The following HPS5 variants were observed in gnomAD, a reference collection of about 807,000 sequenced individuals.
The protein encoded by HPS5 is HPS5 biogenesis of lysosomal organelles complex 2 subunit 2, also known as BLOC-2 complex member HPS5.
Under a neutral mutation model 128.0 loss-of-function variants are expected in HPS5, and 83 were observed. The ratio of observed to expected loss-of-function variants is 0.65; its 90% CI spans 0.54 to 0.78. The LOEUF (loss-of-function observed/expected upper bound fraction) is 0.78, where lower values mean the gene tolerates loss of function less well. Among genes scored for constraint, HPS5 ranks in the 30% least tolerant of loss-of-function variants. The pLI is 0.00. For synonymous variants in HPS5, 475 were observed against 470.2 expected, an observed-to-expected ratio of 1.01 and a Z score of -0.13; for missense variants, 1,281 against 1,326.2, an observed-to-expected ratio of 0.97 and a Z score of 0.53.
chr11:18,295,275 T>A, intron 13 of HPS5, 106 bp from the exon 14 acceptor site: 1 of 1,028,640 alleles, frequency 9.7e-7, no homozygotes, highest in Non-Finnish European at 1.5e-6. Context: ...GGGAGGCAAC[T>A]TGGACTTAGT....
In HPS5 at chr11:18,281,778, T is replaced by C. The variant is rs117442864; in HGVS notation, c.3329+172A>G. Reference sequence around the variant, plus strand: ...GTTAATCTGAACAGCATCTTGGTCATGGCTGTGAATGAAATATTACTTTAG... The same window carrying C: ...GTTAATCTGAACAGCATCTTGGTCACGGCTGTGAATGAAATATTACTTTAG... On this transcript the variant is annotated intron_variant, in intron 22 of 22. Coordinates refer to ENST00000349215, the MANE Select transcript of HPS5 (RefSeq NM_181507.2). 5.4e-3 allele frequency: 4,079 copies of C among 760,354 alleles called. 17 individuals are homozygous for C. The highest frequency in any genetic ancestry group is 8.6e-3 in the Middle Eastern group (26 of 3,022). 47.1% of individuals were successfully genotyped at this position (760,354 alleles called of 1,614,324 possible).
At chr11:18,293,004 C>T (rs1860613572) in intron 14 of HPS5, 28 bp from the exon 15 acceptor site, 1 of 1,572,376 alleles carries the variant, frequency 6.4e-7, no homozygotes, top group African/African-American at 1.4e-5. Flanking sequence ...ATAACAATAA[C>T]ATTCACAAGA....
At chr11:18,296,232 T>A (rs1430234825) in intron 12 of HPS5, 110 bp from the exon 13 acceptor site, 5 of 1,129,568 alleles carry the variant, frequency 4.4e-6, no homozygotes, top group Non-Finnish European at 6.4e-6. Context: ...AAGGATTCAA[T>A]ACCAAAATCA....
intron 16 of HPS5, among the ~76,000 whole-genome samples, chr11:18,288,396 C>T (rs183896321): frequency 1.4e-3 from 213 of 152,256 alleles, no homozygotes; most frequent in African/African-American, 4.7e-3. Context: ...TCAGTTTTTT[C>T]TAGAACTAGT....
At chr11:18,298,691 A>T in intron 10 of HPS5, 101 bp downstream of exon 10, 1 of 1,143,068 alleles carries the variant, frequency 8.7e-7, no homozygotes, top group Non-Finnish European at 1.3e-6. Flanking sequence ...TAGGTCACAC[A>T]GACAGGGTTA....
rs188182082 is a variant in HPS5, at chr11:18,298,369, C to T, written c.1164+423G>A. 1.1e-4 allele frequency among the ~76,000 whole-genome samples: 16 copies of T among 151,842 alleles called. 1 individual carries two copies. Among genetic ancestry groups the T allele is most frequent in the African/African-American group, 3.9e-4 (16 of 41,422 alleles). On this transcript the variant is annotated intron_variant, in intron 10 of 22. Transcript: ENST00000349215. ...AATCAGCTAGGTGTGGTGGCGAGCGCCTGTAGTCGCAGCTACTCAGGAGGC... is the reference window on the plus strand; with the variant it reads ...AATCAGCTAGGTGTGGTGGCGAGCGTCTGTAGTCGCAGCTACTCAGGAGGC...
chr11:18,311,932 C>T lies in HPS5; in HGVS notation c.201G>A (p.Arg67=). 6.2e-7 allele frequency: 1 copy of T among 1,613,082 alleles called. No individual in the cohort carries two copies. Among genetic ancestry groups the T allele is most frequent in the South Asian group, 1.1e-5 (1 of 91,060 alleles). The change falls in exon 3 of 23, where the codon AGG becomes AGA. Residue 67 remains arginine (R), a synonymous_variant. Coordinates refer to ENST00000349215, the MANE Select transcript of HPS5 (RefSeq NM_181507.2). Reference sequence around the variant, plus strand: ...ATCTTACCCTGTGTGAAAGAAAAAGCCTGTGCTTCCAGCCTTCTTTCTGAA... The same window carrying T: ...ATCTTACCCTGTGTGAAAGAAAAAGTCTGTGCTTCCAGCCTTCTTTCTGAA... ...HLIQKEGWKH[R]LFLSHREGAI...
At chr11:18,297,051 C>A in intron 11 of HPS5, 67 bp from the exon 12 acceptor site, 1 of 1,005,516 alleles carries the variant, frequency 9.9e-7, no homozygotes, top group Non-Finnish European at 1.5e-6. Context: ...AATATAACTT[C>A]TGCAGAGAAA....
At chr11:18,286,549 A>C in intron 19 of HPS5, 42 bp downstream of exon 19, 15 of 1,603,854 alleles carry the variant, frequency 9.4e-6, no homozygotes, top group Non-Finnish European at 1.1e-5. Flanking sequence ...CTCAAAAAAA[A>C]AAAGTAAAGA....
intron 2 of HPS5, among the ~76,000 whole-genome samples, chr11:18,317,257 A>ATT (rs67379743): frequency 9.8e-5 from 13 of 132,012 alleles, no homozygotes; most frequent in African/African-American, 2.5e-4. Flanking sequence ...GGCCTGATAA[A>ATT]TTTTTTTTTT....
Position 18,292,984 on chromosome 11 carries a change from A to G in HPS5, c.1785-8T>C, listed in dbSNP as rs1395328993. On this transcript the variant is annotated splice_region_variant and splice_polypyrimidine_tract_variant and intron_variant, in intron 14 of 22. Transcript: ENST00000349215. ...GTTACCTCTTTTTCCTCCCTAAAAA[A>G]GTGTGCAAAATAACAATAACATTCA... 2 of 1,611,072 alleles carry G rather than the reference A, an allele frequency of 1.2e-6. No homozygotes were observed. The highest frequency in any genetic ancestry group is 1.7e-5 in the Admixed American group (1 of 59,996).
rs1862661845 is a variant in HPS5 at position 18,308,964 on chromosome 11, A to T, written c.593T>A (p.Phe198Tyr). ...AATATACCTCTCAGTGTCACACAAG[A>T]AGGATCGAGTAAGTGAAGATATAAG... ...RLLISSLTRS[F>Y]LCDTEREKFW... is the part of the protein sequence containing the mutation. The change falls in exon 6 of 23, where the codon TTC becomes TAC. Residue 198 changes from phenylalanine to tyrosine, a missense_variant. Phe to Tyr is a conservative substitution (Grantham distance 22, BLOSUM62 3). Coordinates refer to ENST00000349215, the MANE Select transcript of HPS5 (RefSeq NM_181507.2). 2 of 1,614,016 alleles carry T rather than the reference A, an allele frequency of 1.2e-6. No homozygotes were observed. The highest frequency in any genetic ancestry group is 3.3e-5 in the Admixed American group (2 of 60,006).
intron 3 of HPS5, 28 bp downstream of exon 3, chr11:18,311,886 T>G: frequency 7.5e-7 from 1 of 1,331,928 alleles, no homozygotes; most frequent in Non-Finnish European, 1.1e-6. Context: ...CTCCAAATGG[T>G]GTATGACAGA....
intron 8 of HPS5, among the ~76,000 whole-genome samples, chr11:18,304,511 C>A (rs1862125317): frequency 6.6e-6 from 1 of 152,150 alleles, no homozygotes; most frequent in African/African-American, 2.4e-5. Flanking sequence ...CCACACCCGG[C>A]CTTATAATTC....
chr11:18,280,899 G>A (rs1185001073), intron 22 of HPS5, among the ~76,000 whole-genome samples: 1 of 151,196 alleles, frequency 6.6e-6, no homozygotes, highest in Non-Finnish European at 1.5e-5. Flanking sequence ...GAAGTAAGTT[G>A]CTGTTTAATG....
rs1520884 is a variant in HPS5, at chr11:18,288,153, A to G, written c.2441-140T>C. ...TGTGCAAGGCCCAATATTAAGCATT[A>G]CAAGAGAAACAAATAAAAGTACAAG... On this transcript the variant is annotated intron_variant, in intron 16 of 22. Coordinates refer to ENST00000349215, the MANE Select transcript of HPS5 (RefSeq NM_181507.2). The G allele has an allele frequency of 0.71, 563,432 of 790,662 alleles. 203,479 individuals are homozygous for G. The highest frequency in any genetic ancestry group is 0.96 in the East Asian group (37,311 of 38,802). 49.0% of individuals were successfully genotyped at this position (790,662 alleles called of 1,614,324 possible). A position where few individuals can be genotyped will look rare whatever the true frequency, so the allele number is the denominator to read the frequency against.
chr11:18,301,053 C>G lies in HPS5; in HGVS notation c.897-137G>C. ...AAAACACAAGAGTGATCCAGCTAAT[C>G]GAGTCCTAACAACTCCTTTCTGTCT... On this transcript the variant is annotated intron_variant, in intron 8 of 22. Coordinates refer to ENST00000349215, the MANE Select transcript of HPS5 (RefSeq NM_181507.2). The G allele has an allele frequency of 4.4e-6, 3 of 680,916 alleles. No individual in the cohort carries two copies. In the South Asian group the frequency reaches 4.9e-5, roughly 11 times the overall value. The allele number at this position is 680,916 out of a possible 1,614,324, so 42.2% of individuals were successfully genotyped here. A position where few individuals can be genotyped will look rare whatever the true frequency, so the allele number is the denominator to read the frequency against.
At chr11:18,290,166 T>C (rs1237764846) in intron 16 of HPS5, among the ~76,000 whole-genome samples, 1 of 152,164 alleles carries the variant, frequency 6.6e-6, no homozygotes, top group Non-Finnish European at 1.5e-5. Context: ...ACCACATCCC[T>C]TAAGGGAAGA....
chr11:18,281,875 A>C (rs2134202796), intron 22 of HPS5, 75 bp downstream of exon 22: 1 of 1,546,578 alleles, frequency 6.5e-7, no homozygotes, highest in South Asian at 1.1e-5. Flanking sequence ...AATGATCTCC[A>C]CATCTACATC....
Sources: allele counts gnomAD v4.1 joint callset (sites outside exome capture counted in the v4.1 genomes callset), GRCh38; gene constraint gnomAD v4.1.1; transcripts MANE v1.5; gene names NCBI Gene and HGNC (gene_info 2026-07-23, HGNC 2026-07-21).